Variants in FBXL19 observed in about 807,000 individuals in gnomAD.
FBXL19 encodes F-box/LRR-repeat protein 19.
A neutral mutation model predicts 71.2 loss-of-function variants in FBXL19; 16 were observed. The observed-to-expected ratio is 0.22, with a 90% CI of 0.15 to 0.34. The LOEUF (loss-of-function observed/expected upper bound fraction) is 0.34. Among genes scored for constraint, FBXL19 ranks in the 10% least tolerant of loss-of-function variants. The probability of loss-of-function intolerance (pLI) is 1.00; values close to 1 mark genes in which losing one functional copy is unlikely to be tolerated. For synonymous variants in FBXL19, 447 were observed against 409.4 expected (o/e 1.09, Z -1.11); for missense variants, 658 against 968.2 (o/e 0.68, Z 4.25).
In FBXL19 at chr16:30,942,205, AGCCCCGT is replaced by A; in HGVS notation, c.1396_1402del (p.Arg466TrpfsTer17). On this transcript the variant is annotated frameshift_variant, in exon 8 of 11. Coordinates refer to ENST00000338343, the MANE Select transcript of FBXL19 (RefSeq NM_001382779.1). LOFTEE classifies it high-confidence loss of function. The surrounding 1 kb of genome is among the most constrained non-coding windows in gnomAD (Gnocchi z 5.7). Reference sequence around the variant, plus strand: ...ATGCTCAGTGGTGTGGTTCGCCGCCAGCCCCGTGCCCTGGACCTCAGCTGGACAGGTG... The same window carrying A: ...ATGCTCAGTGGTGTGGTTCGCCGCCAGCCCTGGACCTCAGCTGGACAGGTG... The A allele has an allele frequency of 6.3e-7, 1 of 1,593,050 alleles. No individual in the cohort carries two copies. Among genetic ancestry groups the A allele is most frequent in the African/African-American group, 1.3e-5 (1 of 74,554 alleles).
rs1596657219 is a variant in FBXL19 at position 30,942,991 on chromosome 16, T to C, written c.1627+455T>C. On this transcript the variant is annotated intron_variant, in intron 9 of 10. Coordinates refer to ENST00000338343, the MANE Select transcript of FBXL19 (RefSeq NM_001382779.1). The surrounding 1 kb of genome is among the most constrained non-coding windows in gnomAD (Gnocchi z 5.7). ...ACTGGGCAATTGTGGAGTGCCTTGA[T>C]GCACATCTGTGCCCTCCTGCCAGGG... Among the ~76,000 whole-genome samples the C allele has an allele frequency of 6.6e-6, 1 of 152,218 alleles. No individual in the cohort carries two copies. The highest frequency in any genetic ancestry group is 1.9e-4 in the East Asian group (1 of 5,202).
At chr16:30,923,026 AC>A (rs1235658832), upstream of FBXL19, 2 of 456,750 alleles carry the variant, frequency 4.4e-6, no homozygotes, top group Non-Finnish European at 8.8e-6. Context: ...AAGATCGACT[AC>A]TAGTCAGGTG....
chr16:30,925,820 C>T lies in FBXL19; in HGVS notation c.66C>T (p.Cys22=). The T allele has an allele frequency of 6.7e-7, 1 of 1,502,858 alleles. No individual in the cohort carries two copies. Among genetic ancestry groups the T allele is most frequent in the Admixed American group, 2.5e-5 (1 of 40,610 alleles). The allele number at this position is 1,502,858 out of a possible 1,614,324, so 93.1% of individuals were successfully genotyped here. ...GACGCCGAACCCGCTGCCGCCGCTGCCGGGCCTGTGTGCGAACTGAGTGCG... is the reference window on the plus strand; with the variant it reads ...GACGCCGAACCCGCTGCCGCCGCTGTCGGGCCTGTGTGCGAACTGAGTGCG... ...ARRRRTRCRR[C]RACVRTECGD... Residue 22 remains cysteine (C), a synonymous_variant, in exon 2 of 11, where the codon TGC becomes TGT. Transcript: ENST00000338343. This position sits in a 1 kb window ranked among gnomAD's most constrained non-coding sequence, Gnocchi z 5.0.
At chr16:30,923,102 C>A, upstream of FBXL19, 1 of 456,658 alleles carries the variant, frequency 2.2e-6, no homozygotes, top group Non-Finnish European at 4.4e-6. Context: ...TTGTTCCTGA[C>A]GAGTAGAAAT....
intron 9 of FBXL19, among the ~76,000 whole-genome samples, chr16:30,943,997 G>A (rs2055830117): frequency 1.3e-5 from 2 of 152,096 alleles, no homozygotes; most frequent in African/African-American, 4.8e-5. Flanking sequence ...AGAGCACTCA[G>A]CCATTGTCCA....
chr16:30,924,185 G>T lies in FBXL19; in HGVS notation c.-299G>T, dbSNP rs562848154. 1.3e-5 allele frequency: 2 copies of T among 152,188 alleles called. No individual in the cohort carries two copies. Among genetic ancestry groups the T allele is most frequent in the African/African-American group, 2.4e-5 (1 of 41,412 alleles). The allele number at this position is 152,188 out of a possible 1,614,324, so 9.4% of individuals were successfully genotyped here. ...CGCCCAAGGAGCCCCCGTTGGCCTG[G>T]GGGGGCTGAGGGACTGAGCCTCCCA... On this transcript the variant is annotated 5_prime_UTR_variant, in exon 1 of 11. Coordinates refer to ENST00000338343, the MANE Select transcript of FBXL19 (RefSeq NM_001382779.1).
At chr16:30,926,080 C>A (rs2055587177) in intron 2 of FBXL19, 149 bp downstream of exon 2, 1 of 1,315,196 alleles carries the variant, frequency 7.6e-7, no homozygotes, top group Non-Finnish European at 9.7e-7. Flanking sequence ...TGTCAGTATC[C>A]ATTTTTGTCC....
Position 30,925,945 on chromosome 16 carries a change from C to G in FBXL19, c.177+14C>G. Reference sequence around the variant, plus strand: ...CAGTGCACTGCCGTGAGTTCTGCCCCCACCTTTGGGCTCTGCCCACCCTTC... The same window carrying G: ...CAGTGCACTGCCGTGAGTTCTGCCCGCACCTTTGGGCTCTGCCCACCCTTC... On this transcript the variant is annotated intron_variant, in intron 2 of 10. Coordinates refer to ENST00000338343, the MANE Select transcript of FBXL19 (RefSeq NM_001382779.1). This position sits in a 1 kb window ranked among gnomAD's most constrained non-coding sequence, Gnocchi z 5.0. 6.8e-7 allele frequency: 1 copy of G among 1,476,894 alleles called. No individual in the cohort carries two copies. Among genetic ancestry groups the G allele is most frequent in the East Asian group, 2.7e-5 (1 of 37,436 alleles). 91.5% of individuals were successfully genotyped at this position (1,476,894 alleles called of 1,614,324 possible). A position where few individuals can be genotyped will look rare whatever the true frequency, so the allele number is the denominator to read the frequency against.
At position 30,927,873 on chromosome 16, in the gene FBXL19, G is replaced by A; in HGVS notation, c.537G>A (p.Leu179=). ...PPPPPRRKGP[L]PAGPPPEDVP... ...CCCCGCCCAGGCGCAAGGGCCCCCTGCCTGCCGGGCCCCCCCCGGAGGACG... is the reference window on the plus strand; with the variant it reads ...CCCCGCCCAGGCGCAAGGGCCCCCTACCTGCCGGGCCCCCCCCGGAGGACG... Residue 179 remains leucine, a synonymous_variant, in exon 5 of 11, where the codon CTG becomes CTA. Transcript: ENST00000338343. 1 of 1,529,038 alleles carries A rather than the reference G, an allele frequency of 6.5e-7. No individual in the cohort carries two copies. Among genetic ancestry groups the A allele is most frequent in the South Asian group, 1.2e-5 (1 of 81,524 alleles). 94.7% of individuals were successfully genotyped at this position (1,529,038 alleles called of 1,614,324 possible).
At position 30,930,672 on chromosome 16, in the gene FBXL19, G is replaced by A. The variant is rs538847834; in HGVS notation, c.1301+88G>A. 10 of 1,348,488 alleles carry A rather than the reference G, an allele frequency of 7.4e-6. No homozygotes were observed. The highest frequency in any genetic ancestry group is 3.5e-5 in the Admixed American group (1 of 28,944). 83.5% of individuals were successfully genotyped at this position (1,348,488 alleles called of 1,614,324 possible). A position where few individuals can be genotyped will look rare whatever the true frequency, so the allele number is the denominator to read the frequency against. On this transcript the variant is annotated intron_variant, in intron 7 of 10. Coordinates refer to ENST00000338343, the MANE Select transcript of FBXL19 (RefSeq NM_001382779.1). This position sits in a 1 kb window ranked among gnomAD's most constrained non-coding sequence, Gnocchi z 8.5. ...GCGGTAGGTCTCTGGCCCTCTCTGG[G>A]CCTTGCTTTTATATTGGGGATACTT...
intron 7 of FBXL19, among the ~76,000 whole-genome samples, chr16:30,931,303 C>T (rs781118944): frequency 6.6e-6 from 1 of 152,122 alleles, no homozygotes. Context: ...AGGCCTTCGG[C>T]GTGTTGACAA....
At chr16:30,934,501 T>C (rs1209945952) in intron 7 of FBXL19, among the ~76,000 whole-genome samples, 1 of 151,462 alleles carries the variant, frequency 6.6e-6, no homozygotes, top group Admixed American at 6.6e-5. Flanking sequence ...CTGCTAAAAA[T>C]ACAAAAATTA....
At position 30,927,835 on chromosome 16, in the gene FBXL19, C is replaced by T. The variant is rs377021646; in HGVS notation, c.499C>T (p.Pro167Ser). 37 of 1,545,508 alleles carry T rather than the reference C, an allele frequency of 2.4e-5. No homozygotes were observed. Among genetic ancestry groups the T allele is most frequent in the Non-Finnish European group, 3.1e-5 (36 of 1,146,418 alleles). ...GSGWKLTEEPPLPPPPPRRKG... is the reference protein window; with the variant it reads ...GSGWKLTEEPSLPPPPPRRKG... The stretch of plus-strand genomic sequence containing the variant: ...CGGATGGAAGCTGACAGAGGAGCCA[C>T]CGCTTCCACCGCCCCCGCCCAGGCG... Residue 167 changes from proline (P) to serine (S), a missense_variant, in exon 5 of 11, where the codon CCG becomes TCG. By Grantham distance (74) the Pro-to-Ser change is moderately conservative. Around this residue, in one of 8 missense-constraint regions of FBXL19, gnomAD observed 447 missense variants for 515.4 expected, o/e 0.87. Coordinates refer to ENST00000338343, the MANE Select transcript of FBXL19 (RefSeq NM_001382779.1).
In FBXL19 at chr16:30,925,494, T is replaced by C. The variant is rs2055580397; in HGVS notation, c.-24-237T>C. ...GCTCCCTGGGCTAGGGAAGGGACCC[T>C]GAGGAGGCGGTAGAGGAGCGAGGCC... On this transcript the variant is annotated intron_variant, in intron 1 of 10. Transcript: ENST00000338343. The surrounding 1 kb of genome is among the most constrained non-coding windows in gnomAD (Gnocchi z 5.0). 6.6e-6 allele frequency among the ~76,000 whole-genome samples: 1 copy of C among 151,994 alleles called. No individual in the cohort carries two copies. Among genetic ancestry groups the C allele is most frequent in the South Asian group, 2.1e-4 (1 of 4,824 alleles).
Position 30,946,733 on chromosome 16 carries a change from A to C in FBXL19, c.1631A>C (p.Gln544Pro), listed in dbSNP as rs773308187. ...LLPPPDTKPG[Q>P]TESRGRLQGV... The stretch of plus-strand genomic sequence containing the variant: ...GACCTCTCATCTGGCTGCCCAGGGC[A>C]AACAGAGAGCCGTGGTCGGCTGCAG... The change falls in exon 10 of 11, where the codon CAA becomes CCA. Residue 544 changes from glutamine to proline, a missense_variant. By Grantham distance (76) the Gln-to-Pro change is moderately conservative. Coordinates refer to ENST00000338343, the MANE Select transcript of FBXL19 (RefSeq NM_001382779.1). This position sits in a 1 kb window ranked among gnomAD's most constrained non-coding sequence, Gnocchi z 6.7. The C allele has an allele frequency of 6.2e-6, 10 of 1,612,144 alleles. No individual in the cohort carries two copies. The highest frequency in any genetic ancestry group is 1.7e-5 in the Admixed American group (1 of 59,890).
At chr16:30,937,307 T>G (rs970740136) in intron 7 of FBXL19, among the ~76,000 whole-genome samples, 6 of 151,936 alleles carry the variant, frequency 3.9e-5, no homozygotes, top group Non-Finnish European at 8.8e-5. Flanking sequence ...ACACACACCC[T>G]CCTCCCCCTC....
intron 7 of FBXL19, among the ~76,000 whole-genome samples, chr16:30,939,173 G>A (rs2055771697): frequency 6.6e-6 from 1 of 151,206 alleles, no homozygotes; most frequent in South Asian, 2.1e-4. Context: ...CCAGGTTCAT[G>A]CCATTCTCCT....
chr16:30,940,325 T>C (rs1395011171), intron 7 of FBXL19, among the ~76,000 whole-genome samples: 1 of 147,486 alleles, frequency 6.8e-6, no homozygotes, highest in Non-Finnish European at 1.5e-5. Context: ...GAGGCTGAGG[T>C]AGGAGGATGG....
intron 9 of FBXL19, among the ~76,000 whole-genome samples, chr16:30,945,849 GAAAAAAAAAAAA>G (rs11464927): frequency 1.7e-4 from 15 of 86,820 alleles, no homozygotes; most frequent in Non-Finnish European, 2.5e-4. Flanking sequence ...CCGTCTCGGG[GAAAAAAAAAAAA>G]AAAAAAAAAA....
Sources: allele counts gnomAD v4.1 joint callset (sites outside exome capture counted in the v4.1 genomes callset), GRCh38; gene constraint gnomAD v4.1.1; regional missense constraint gnomAD v4.1.1; non-coding constraint Gnocchi (gnomAD v3.1); transcripts MANE v1.5; gene names NCBI Gene and HGNC (gene_info 2026-07-23, HGNC 2026-07-21).